CTNNA3: variants seen among roughly 807,000 people sequenced by gnomAD.
CTNNA3 encodes catenin alpha-3.
A neutral mutation model predicts 95.7 loss-of-function variants in CTNNA3; 76 were observed. That is an observed-to-expected ratio of 0.79 (90% CI 0.66 to 0.96). The LOEUF (loss-of-function observed/expected upper bound fraction) is 0.96, where lower values mean the gene tolerates loss of function less well. CTNNA3 is among the 40% of genes least tolerant of loss of function. CTNNA3 has a pLI of 0.00. For synonymous variants in CTNNA3, 431 were observed against 374.4 expected, an observed-to-expected ratio of 1.15 and a Z score of -1.74; for missense variants, 1,191 against 1,089.8, an observed-to-expected ratio of 1.09 and a Z score of -1.31.
intron 9 of CTNNA3, among the ~76,000 whole-genome samples, chr10:66,683,800 T>A (rs1476063255): frequency 1.3e-5 from 2 of 152,114 alleles, no homozygotes; most frequent in Non-Finnish European, 2.9e-5. Context: ...TCATTTTGTA[T>A]TTTGGGCTGG....
chr10:66,011,093 TC>T (rs1488499475), intron 15 of CTNNA3, among the ~76,000 whole-genome samples: 1 of 152,174 alleles, frequency 6.6e-6, no homozygotes, highest in Non-Finnish European at 1.5e-5. Context: ...ACCTCATCCC[TC>T]ACTTGACCTA....
intron 5 of CTNNA3, among the ~76,000 whole-genome samples, chr10:67,343,280 T>C (rs995920728): frequency 6.6e-6 from 1 of 152,180 alleles, no homozygotes; most frequent in Admixed American, 6.5e-5. Context: ...TTTTTTTCTA[T>C]TTCTGTGAAG....
intron 1 of CTNNA3, among the ~76,000 whole-genome samples, chr10:67,743,710 T>C (rs963192334): frequency 6.6e-6 from 1 of 151,234 alleles, no homozygotes; most frequent in Non-Finnish European, 1.5e-5. Flanking sequence ...GGAAGTTAAA[T>C]TGTCCCTGTT....
At chr10:66,785,462 C>A (rs1235368385) in intron 7 of CTNNA3, among the ~76,000 whole-genome samples, 1 of 152,178 alleles carries the variant, frequency 6.6e-6, no homozygotes, top group Non-Finnish European at 1.5e-5. Context: ...AGAGGAAGGA[C>A]AATTTTGCTC....
chr10:67,455,996 T>G (rs1040778530), intron 5 of CTNNA3, among the ~76,000 whole-genome samples: 3 of 152,164 alleles, frequency 2.0e-5, no homozygotes, highest in Non-Finnish European at 2.9e-5. Flanking sequence ...GCAAGAAAGG[T>G]ATACAAGAAC....
chr10:66,132,891 A>T (rs1009253494), intron 13 of CTNNA3, among the ~76,000 whole-genome samples: 17 of 152,130 alleles, frequency 1.1e-4, no homozygotes, highest in Non-Finnish European at 1.5e-5. Flanking sequence ...GACACTGGGG[A>T]CTACCAAAGG....
chr10:66,071,797 T>G (rs2080439701), intron 14 of CTNNA3, among the ~76,000 whole-genome samples: 1 of 152,194 alleles, frequency 6.6e-6, no homozygotes, highest in Non-Finnish European at 1.5e-5. Flanking sequence ...TGATGTTAAC[T>G]GTCAACCATT....
chr10:66,928,037 C>A, intron 7 of CTNNA3: 1 of 1,614,100 alleles, frequency 6.2e-7, no homozygotes, highest in South Asian at 1.1e-5. Flanking sequence ...CTGGCCAGGG[C>A]TCTCCCAAAG....
chr10:67,283,693 T>C (rs1459262082), intron 5 of CTNNA3, among the ~76,000 whole-genome samples: 1 of 152,198 alleles, frequency 6.6e-6, no homozygotes, highest in Non-Finnish European at 1.5e-5. Context: ...CTTTACTTCC[T>C]GTCATTCCTG....
chr10:66,288,446 G>T (rs1297601855), intron 12 of CTNNA3, among the ~76,000 whole-genome samples: 1 of 152,040 alleles, frequency 6.6e-6, no homozygotes, highest in East Asian at 1.9e-4. Flanking sequence ...ATTAATGAAT[G>T]AATATGTTTA....
At chr10:65,965,848 T>G (rs985122687) in intron 17 of CTNNA3, among the ~76,000 whole-genome samples, 1 of 152,086 alleles carries the variant, frequency 6.6e-6, no homozygotes, top group Non-Finnish European at 1.5e-5. Flanking sequence ...TTAAAAAAAA[T>G]TTTCTCAGAA....
At chr10:67,660,754 A>AC (rs1394392458) in intron 1 of CTNNA3, among the ~76,000 whole-genome samples, 1 of 151,878 alleles carries the variant, frequency 6.6e-6, no homozygotes, top group Non-Finnish European at 1.5e-5. Flanking sequence ...ACACAGTGAA[A>AC]CCCCATCTCT....
At chr10:67,386,236 C>A (rs958321599) in intron 5 of CTNNA3, among the ~76,000 whole-genome samples, 5 of 152,218 alleles carry the variant, frequency 3.3e-5, no homozygotes, top group Non-Finnish European at 5.9e-5. Context: ...TTTGGACAGT[C>A]TGACGAAAGC....
chr10:66,473,796 G>C (rs929299616), intron 11 of CTNNA3, among the ~76,000 whole-genome samples: 3 of 152,086 alleles, frequency 2.0e-5, no homozygotes, highest in Admixed American at 1.3e-4. Flanking sequence ...ATAGTTTGCT[G>C]AGAATGATGG....
At chr10:66,536,215 C>T (rs1389042896) in intron 10 of CTNNA3, among the ~76,000 whole-genome samples, 1 of 151,768 alleles carries the variant, frequency 6.6e-6, no homozygotes, top group Non-Finnish European at 1.5e-5. Context: ...ATCCTTGTGG[C>T]TCACACCTGT....
intron 13 of CTNNA3, among the ~76,000 whole-genome samples, chr10:66,148,395 G>A (rs184146941): frequency 2.6e-4 from 39 of 151,918 alleles, no homozygotes; most frequent in African/African-American, 8.4e-4. Flanking sequence ...TGTATTCCTC[G>A]AAAATTCATG....
chr10:66,644,554 T>C (rs2132390893), intron 9 of CTNNA3, among the ~76,000 whole-genome samples: 1 of 151,296 alleles, frequency 6.6e-6, no homozygotes, highest in East Asian at 1.9e-4. Flanking sequence ...GGGTTCTTTA[T>C]TGAGATAATT....
rs10823084 is a variant in CTNNA3, at chr10:67,758,315, A to T, written c.-2+5119T>A. On this transcript the variant is annotated intron_variant, in intron 1 of 17. Coordinates refer to the CTNNA3 transcript ENST00000684154. ...ACACACACACACACACATATATATA[A>T]ATATATATACACACACACACACACA... 3.1e-4 allele frequency among the ~76,000 whole-genome samples: 39 copies of T among 124,628 alleles called. No homozygotes were observed. In the East Asian group the frequency reaches 5.8e-3, roughly 18 times the overall value. 81.8% of individuals were successfully genotyped at this position (124,628 alleles called of 152,430 possible). A position where few individuals can be genotyped will look rare whatever the true frequency, so the allele number is the denominator to read the frequency against.
At chr10:67,409,299 G>A (rs1006891199) in intron 5 of CTNNA3, among the ~76,000 whole-genome samples, 8 of 151,888 alleles carry the variant, frequency 5.3e-5, no homozygotes, top group South Asian at 2.1e-4. Flanking sequence ...TGTTTATTGC[G>A]GCACTATTCA....
Sources: allele counts gnomAD v4.1 joint callset (sites outside exome capture counted in the v4.1 genomes callset), GRCh38; gene constraint gnomAD v4.1.1; transcripts MANE v1.5; gene names NCBI Gene and HGNC (gene_info 2026-07-23, HGNC 2026-07-21).